Variants in DNAH5 observed in about 807,000 individuals in gnomAD.
DNAH5 encodes the protein dynein axonemal heavy chain 5.
Under a neutral mutation model 518.2 loss-of-function variants are expected in DNAH5, and 372 were observed. The ratio of observed to expected loss-of-function variants is 0.72; its 90% CI spans 0.66 to 0.78. The LOEUF is 0.78. Among genes scored for constraint, DNAH5 ranks in the 30% least tolerant of loss-of-function variants. The probability of loss-of-function intolerance (pLI) is 0.00; values close to 1 mark genes in which losing one functional copy is unlikely to be tolerated. For synonymous variants in DNAH5, 2,039 were observed against 2,025.9 expected (o/e 1.01, Z -0.17); for missense variants, 5,523 against 5,687.0 (o/e 0.97, Z 0.93).
rs570975868 is a variant in DNAH5 at position 13,819,504 on chromosome 5, G to A, written c.6841+842C>T. Among the ~76,000 whole-genome samples the A allele has an allele frequency of 6.7e-4, 102 of 152,170 alleles. 1 individual carries two copies. The highest frequency in any genetic ancestry group is 2.4e-3 in the African/African-American group (98 of 41,540). On this transcript the variant is annotated intron_variant, in intron 41 of 78. Coordinates refer to ENST00000265104, the MANE Select transcript of DNAH5 (RefSeq NM_001369.3). ...ATCAGTAGCAGTGCACTGAGGTTCCGGGAACTGCCTGAAAGCCCACCCAGG... is the reference window on the plus strand; with the variant it reads ...ATCAGTAGCAGTGCACTGAGGTTCCAGGAACTGCCTGAAAGCCCACCCAGG...
At chr5:13,994,235 A>C (rs895323) in intron 1 of DNAH5, among the ~76,000 whole-genome samples, 111,209 of 152,014 alleles carry the variant, frequency 0.73, 41,006 homozygotes, top group East Asian at 0.96. Flanking sequence ...TCTGCCTTTG[A>C]CCCCAGGTCT....
At chr5:13,706,234 C>A (rs1246333838) in intron 76 of DNAH5, among the ~76,000 whole-genome samples, 2 of 152,232 alleles carry the variant, frequency 1.3e-5, no homozygotes, top group Non-Finnish European at 2.9e-5. Flanking sequence ...AGGGGTGAAT[C>A]CTGTTGCCTT....
chr5:13,860,454 T>C (rs1304925202), intron 29 of DNAH5: 3 of 152,260 alleles, frequency 2.0e-5, no homozygotes, highest in Non-Finnish European at 2.9e-5. Context: ...GAGACTCTGA[T>C]TCAATGGGTC....
chr5:13,899,867 C>T (rs2151960465), intron 15 of DNAH5: 1 of 284,580 alleles, frequency 3.5e-6, no homozygotes, highest in Non-Finnish European at 6.7e-6. Flanking sequence ...AAACAGGCTT[C>T]CCGCTGATAC....
At chr5:13,922,046 T>C in intron 5 of DNAH5, 61 bp downstream of exon 5, 1 of 1,545,702 alleles carries the variant, frequency 6.5e-7, no homozygotes, top group Admixed American at 1.7e-5. Flanking sequence ...CATTACACAC[T>C]TATGTACTGT....
intron 76 of DNAH5, among the ~76,000 whole-genome samples, chr5:13,703,263 C>G (rs1742359673): frequency 6.6e-6 from 1 of 152,186 alleles, no homozygotes; most frequent in African/African-American, 2.4e-5. Context: ...GAGGTGACCT[C>G]ATGCCAGGCA....
At chr5:13,761,704 ATT>A (rs1751810653) in intron 60 of DNAH5, among the ~76,000 whole-genome samples, 1 of 152,132 alleles carries the variant, frequency 6.6e-6, no homozygotes, top group Non-Finnish European at 1.5e-5. Context: ...CAGATTGTCC[ATT>A]TTTGAGCTAT....
intron 1 of DNAH5, among the ~76,000 whole-genome samples, chr5:13,939,291 C>T (rs934820595): frequency 6.6e-6 from 1 of 152,194 alleles, no homozygotes; most frequent in African/African-American, 2.4e-5. Context: ...CGTGAGTCCA[C>T]GATTGCAGAA....
At chr5:13,809,910 CTG>C (rs962928357) in intron 45 of DNAH5, 147 bp downstream of exon 45, 1 of 815,514 alleles carries the variant, frequency 1.2e-6, no homozygotes, top group Non-Finnish European at 2.0e-6. Context: ...AAAGAAACCA[CTG>C]TTCACTTTCT....
At chr5:13,696,843 A>C (rs1014077832) in intron 78 of DNAH5, among the ~76,000 whole-genome samples, 2 of 152,204 alleles carry the variant, frequency 1.3e-5, no homozygotes, top group Non-Finnish European at 2.9e-5. Context: ...GTTTTCTTTT[A>C]ATACTTTGAA....
rs373406041 is a variant in DNAH5, at chr5:13,765,993, A to T, written c.10084T>A (p.Phe3362Ile). Residue 3362 changes from phenylalanine (F) to isoleucine (I), a missense_variant, in exon 59 of 79, where the codon TTT (phenylalanine) becomes ATT (isoleucine). Physicochemically the swap from Phe to Ile is conservative, Grantham distance 21. This residue lies in a region of DNAH5 where 5,121 missense variants were observed against 5,223.3 expected (regional missense o/e 0.98). Transcript: ENST00000265104. ...ESLKLMTAGN[F>I]LQNLQQFPKD... The stretch of plus-strand genomic sequence containing the variant: ...CTACCAACCTGTAAGTTCTGTAAAA[A>T]GTTCCCTGCAGTCATCAATTTTAAG... 2.5e-5 allele frequency: 40 copies of T among 1,614,082 alleles called. No individual in the cohort carries two copies. The African/African-American group carries it at 4.1e-4, about 17-fold the overall frequency.
At chr5:13,937,839 T>C (rs1779088285) in intron 1 of DNAH5, among the ~76,000 whole-genome samples, 1 of 152,150 alleles carries the variant, frequency 6.6e-6, no homozygotes, top group Non-Finnish European at 1.5e-5. Flanking sequence ...TATATATGTG[T>C]ATTCATACAG....
rs1474826384 is a variant in DNAH5, at chr5:13,691,803, G to T, written c.*181C>A. 1.5e-6 allele frequency: 1 copy of T among 683,550 alleles called. No homozygotes were observed. The highest frequency in any genetic ancestry group is 2.4e-6 in the Non-Finnish European group (1 of 410,712). 42.3% of individuals were successfully genotyped at this position (683,550 alleles called of 1,614,324 possible). A position where few individuals can be genotyped will look rare whatever the true frequency, so the allele number is the denominator to read the frequency against. On this transcript the variant is annotated 3_prime_UTR_variant, in exon 79 of 79. Transcript: ENST00000265104. Reference sequence around the variant, plus strand: ...ACATTTTCAACAAACTCAGACATTGGTCACTAATGATGAAACAAGTAAAAT... The same window carrying T: ...ACATTTTCAACAAACTCAGACATTGTTCACTAATGATGAAACAAGTAAAAT...
intron 45 of DNAH5, among the ~76,000 whole-genome samples, chr5:13,809,676 T>C (rs1465724409): frequency 6.6e-6 from 1 of 152,146 alleles, no homozygotes; most frequent in African/African-American, 2.4e-5. Context: ...TTAAAGTATA[T>C]ATACATACAG....
intron 30 of DNAH5, among the ~76,000 whole-genome samples, chr5:13,853,787 A>G (rs1293919938): frequency 6.6e-6 from 1 of 151,972 alleles, no homozygotes. Flanking sequence ...TTGAAGATCA[A>G]TGTAATGAAA....
At chr5:13,885,308 G>A (rs1772253824) in intron 18 of DNAH5, 80 bp from the exon 19 acceptor site, 1 of 1,488,582 alleles carries the variant, frequency 6.7e-7, no homozygotes, top group African/African-American at 1.4e-5. Flanking sequence ...TAGACAGATA[G>A]ATAGAATCAT....
intron 65 of DNAH5, among the ~76,000 whole-genome samples, chr5:13,740,051 A>G (rs960410884): frequency 1.3e-5 from 2 of 152,106 alleles, no homozygotes; most frequent in Non-Finnish European, 2.9e-5. Context: ...ACAGCCCAGC[A>G]AATGGCAACA....
At chr5:13,837,387 G>A (rs143150853) in intron 35 of DNAH5, among the ~76,000 whole-genome samples, 57 of 152,276 alleles carry the variant, frequency 3.7e-4, no homozygotes, top group African/African-American at 1.2e-3. Context: ...ATATTTGTGT[G>A]TTGATGAAAA....
rs781450568 is a variant in DNAH5, at chr5:13,938,458, TTTA to T, written c.57+5921_57+5923del. 3.3e-5 allele frequency among the ~76,000 whole-genome samples: 5 copies of T among 152,116 alleles called. No individual in the cohort carries two copies. The South Asian group carries it at 6.2e-4, about 19-fold the overall frequency. Reference sequence around the variant, plus strand: ...CAGTATATAGTTATAATTGTTCTATTTTATTATTATTGTTGTTGTTAATCTTTT... The same window carrying T: ...CAGTATATAGTTATAATTGTTCTATTTTATTATTGTTGTTGTTAATCTTTT... On this transcript the variant is annotated intron_variant, in intron 1 of 78. Coordinates refer to ENST00000265104, the MANE Select transcript of DNAH5 (RefSeq NM_001369.3).
Sources: allele counts gnomAD v4.1 joint callset (sites outside exome capture counted in the v4.1 genomes callset), GRCh38; gene constraint gnomAD v4.1.1; regional missense constraint gnomAD v4.1.1; transcripts MANE v1.5; gene names NCBI Gene and HGNC (gene_info 2026-07-23, HGNC 2026-07-21).